Variants in CTNNA2 observed in about 807,000 individuals in gnomAD.
The protein encoded by CTNNA2 is catenin alpha 2.
Under a neutral mutation model 101.0 loss-of-function variants are expected in CTNNA2, and 42 were observed. The ratio of observed to expected loss-of-function variants is 0.42; its 90% CI spans 0.32 to 0.54. The LOEUF is 0.54. CTNNA2 is among the 20% of genes least tolerant of loss of function. The probability of loss-of-function intolerance (pLI) is 0.14; values close to 1 mark genes in which losing one functional copy is unlikely to be tolerated. For missense variants in CTNNA2, 871 were observed against 1,223.1 expected, an observed-to-expected ratio of 0.71 and a Z score of 4.29; for synonymous variants, 450 against 456.4, an observed-to-expected ratio of 0.99 and a Z score of 0.18.
chr2:79,999,918 C>G (rs1440836422), intron 7 of CTNNA2, among the ~76,000 whole-genome samples: 1 of 152,088 alleles, frequency 6.6e-6, no homozygotes, highest in East Asian at 1.9e-4. Flanking sequence ...GAAATTTTAA[C>G]TCAGCAGAAT....
intron 7 of CTNNA2, among the ~76,000 whole-genome samples, chr2:80,170,308 G>A (rs1000660423): frequency 6.6e-6 from 1 of 151,828 alleles, no homozygotes. Flanking sequence ...CCTACTATCA[G>A]GAGGCCAAGC....
intron 7 of CTNNA2, among the ~76,000 whole-genome samples, chr2:79,973,765 G>A (rs1574446491): frequency 1.3e-5 from 2 of 152,092 alleles, no homozygotes; most frequent in South Asian, 4.1e-4. Context: ...ATTGTTTTGA[G>A]GTAATTATCC....
intron 4 of CTNNA2, chr2:79,499,023 C>T (rs1558682415): frequency 6.6e-6 from 1 of 152,214 alleles, no homozygotes; most frequent in Non-Finnish European, 1.5e-5. Flanking sequence ...ATCTGACATC[C>T]TGATTCTTTC....
At chr2:80,022,821 C>T (rs995423862) in intron 7 of CTNNA2, among the ~76,000 whole-genome samples, 3 of 152,132 alleles carry the variant, frequency 2.0e-5, no homozygotes, top group East Asian at 1.9e-4. Flanking sequence ...AGAGATCACT[C>T]GTATGGCAGG....
intron 7 of CTNNA2, among the ~76,000 whole-genome samples, chr2:79,927,135 T>C (rs1687074483): frequency 1.3e-5 from 2 of 152,052 alleles, no homozygotes; most frequent in Admixed American, 1.3e-4. Context: ...GGACATCGAA[T>C]AGAGAAAAAA....
intron 3 of CTNNA2, among the ~76,000 whole-genome samples, chr2:79,757,089 T>G (rs577597309): frequency 1.9e-4 from 29 of 152,194 alleles, no homozygotes; most frequent in Non-Finnish European, 3.5e-4. Flanking sequence ...TTTGAAAACA[T>G]CTATTTATAT....
At chr2:80,232,374 T>G (rs975965669) in intron 7 of CTNNA2, among the ~76,000 whole-genome samples, 1,702 of 60,730 alleles carry the variant, frequency 0.028, 69 homozygotes, top group African/African-American at 0.063. Flanking sequence ...TTTTTTTTTT[T>G]TTTTTTTTTT....
intron 7 of CTNNA2, among the ~76,000 whole-genome samples, chr2:80,004,669 TTACA>T (rs1455786945): frequency 1.6e-5 from 2 of 123,854 alleles, no homozygotes; most frequent in Non-Finnish European, 3.4e-5. Flanking sequence ...TTATTTTATT[TTACA>T]TTTATTTATT....
chr2:80,014,483 T>C (rs968235191), intron 7 of CTNNA2, among the ~76,000 whole-genome samples: 2 of 152,214 alleles, frequency 1.3e-5, no homozygotes, highest in Admixed American at 6.5e-5. Context: ...TTGATGTTTT[T>C]CAAAGTGCTA....
intron 7 of CTNNA2, among the ~76,000 whole-genome samples, chr2:80,286,384 AG>A (rs981219543): frequency 1.3e-5 from 2 of 152,132 alleles, no homozygotes; most frequent in Non-Finnish European, 2.9e-5. Context: ...TGATGAGTGT[AG>A]GGGAAGGATA....
intron 7 of CTNNA2, among the ~76,000 whole-genome samples, chr2:80,349,269 G>A (rs1042511393): frequency 6.6e-6 from 1 of 152,108 alleles, no homozygotes; most frequent in African/African-American, 2.4e-5. Flanking sequence ...ATCTGAGAAG[G>A]ACCTTGGCTT....
intron 8 of CTNNA2, among the ~76,000 whole-genome samples, chr2:80,415,688 T>A (rs1679975885): frequency 6.6e-6 from 1 of 152,098 alleles, no homozygotes; most frequent in Non-Finnish European, 1.5e-5. Context: ...CTGGGTAGAA[T>A]CTGATGGAAA....
chr2:80,540,073 A>G (rs1022519225), intron 9 of CTNNA2, among the ~76,000 whole-genome samples: 4 of 152,108 alleles, frequency 2.6e-5, no homozygotes, highest in Non-Finnish European at 4.4e-5. Context: ...TGGGGTTGCA[A>G]TGTATTGATG....
chr2:80,265,613 T>C (rs1463602880), intron 7 of CTNNA2, among the ~76,000 whole-genome samples: 1 of 152,184 alleles, frequency 6.6e-6, no homozygotes, highest in Non-Finnish European at 1.5e-5. Flanking sequence ...GGCCTTACAT[T>C]GATTGCTGCT....
At chr2:79,435,292 T>C (rs1047264997) in intron 4 of CTNNA2, among the ~76,000 whole-genome samples, 1 of 152,182 alleles carries the variant, frequency 6.6e-6, no homozygotes, top group African/African-American at 2.4e-5. Flanking sequence ...TAAGGAAGTG[T>C]TGTCATATGG....
chr2:80,082,192 A>G (rs946036942), intron 7 of CTNNA2, among the ~76,000 whole-genome samples: 2 of 152,180 alleles, frequency 1.3e-5, no homozygotes, highest in African/African-American at 4.8e-5. Flanking sequence ...CAATAACTTT[A>G]GAGAATTAAT....
intron 3 of CTNNA2, among the ~76,000 whole-genome samples, chr2:79,832,089 C>A (rs1018151291): frequency 6.6e-6 from 1 of 152,092 alleles, no homozygotes; most frequent in Non-Finnish European, 1.5e-5. Flanking sequence ...TTTTCAGTCC[C>A]ATACTCATTC....
intron 1 of CTNNA2, among the ~76,000 whole-genome samples, chr2:79,644,025 A>G (rs1246926500): frequency 6.6e-6 from 1 of 151,730 alleles, no homozygotes; most frequent in Non-Finnish European, 1.5e-5. Flanking sequence ...CAGGAGAAAG[A>G]TCTGATTTTT....
intron 9 of CTNNA2, among the ~76,000 whole-genome samples, chr2:80,537,112 C>A (rs1353111378): frequency 6.6e-6 from 1 of 151,562 alleles, no homozygotes; most frequent in Admixed American, 6.6e-5. Flanking sequence ...GTGTGTTGTT[C>A]CCCCTCCCTG....
Sources: allele counts gnomAD v4.1 joint callset (sites outside exome capture counted in the v4.1 genomes callset), GRCh38; gene constraint gnomAD v4.1.1; transcripts MANE v1.5; gene names NCBI Gene and HGNC (gene_info 2026-07-23, HGNC 2026-07-21).